Variants in PUM1 observed in about 807,000 individuals in gnomAD.
The protein encoded by PUM1 is pumilio RNA binding family member 1.
In PUM1, 13 loss-of-function variants were observed where a neutral mutation model predicts 131.8. That is an observed-to-expected ratio of 0.10 (90% CI 0.06 to 0.16). The LOEUF (loss-of-function observed/expected upper bound fraction) is 0.16, where lower values mean the gene tolerates loss of function less well. PUM1 is among the 10% of genes least tolerant of loss of function. The pLI is 1.00. For synonymous variants in PUM1, 509 were observed against 556.5 expected, an observed-to-expected ratio of 0.91 and a Z score of 1.20; for missense variants, 961 against 1,512.4, an observed-to-expected ratio of 0.64 and a Z score of 6.05.
At chr1:31,051,302 AT>A (rs35765126) in intron 2 of PUM1, among the ~76,000 whole-genome samples, 9,790 of 140,830 alleles carry the variant, frequency 0.07, 491 homozygotes, top group East Asian at 0.25. Flanking sequence ...CATCCACTGA[AT>A]TTTTTTTTTT....
At chr1:31,055,199 GC>G (rs1246263248) in intron 2 of PUM1, 3 of 374,708 alleles carry the variant, frequency 8.0e-6, no homozygotes, top group African/African-American at 6.3e-5. Flanking sequence ...CTAGAGATGT[GC>G]CCCTTTGCTC....
intron 1 of PUM1, among the ~76,000 whole-genome samples, chr1:31,064,927 G>A (rs1017350644): frequency 6.6e-6 from 1 of 151,934 alleles, no homozygotes; most frequent in Non-Finnish European, 1.5e-5. Flanking sequence ...CTAGCAAGGG[G>A]TGAACCCCTC....
At chr1:30,963,008 C>T (rs1640480254) in intron 14 of PUM1, among the ~76,000 whole-genome samples, 2 of 152,148 alleles carry the variant, frequency 1.3e-5, no homozygotes, top group African/African-American at 4.8e-5. Flanking sequence ...ATCCTGAGTA[C>T]ATCATGTAAC....
At chr1:31,043,839 T>G (rs550628636) in intron 2 of PUM1, among the ~76,000 whole-genome samples, 1 of 152,146 alleles carries the variant, frequency 6.6e-6, no homozygotes, top group Non-Finnish European at 1.5e-5. Context: ...AAATCCATAG[T>G]GTAAGTTGTA....
intron 7 of PUM1, among the ~76,000 whole-genome samples, chr1:30,987,616 A>G (rs533869292): frequency 1.4e-4 from 22 of 152,356 alleles, no homozygotes; most frequent in African/African-American, 5.0e-4. Flanking sequence ...TTATGCATGA[A>G]CTGCTCACAG....
At chr1:31,046,945 A>C (rs1307306656) in intron 2 of PUM1, among the ~76,000 whole-genome samples, 1 of 152,068 alleles carries the variant, frequency 6.6e-6, no homozygotes, top group African/African-American at 2.4e-5. Context: ...TAATCTCAGC[A>C]CTTTGGAAGG....
intron 18 of PUM1, among the ~76,000 whole-genome samples, chr1:30,944,460 GA>G (rs1639588176): frequency 6.6e-6 from 1 of 152,102 alleles, no homozygotes; most frequent in African/African-American, 2.4e-5. Flanking sequence ...AGCAATTCTG[GA>G]AAAAGGTATT....
At chr1:31,055,769 C>T (rs575232480) in intron 2 of PUM1, among the ~76,000 whole-genome samples, 7 of 152,268 alleles carry the variant, frequency 4.6e-5, no homozygotes, top group South Asian at 2.1e-4. Context: ...CTTCAATAAA[C>T]GCTTCTTAAC....
chr1:30,969,726 GCA>G (rs1224664732), intron 10 of PUM1, among the ~76,000 whole-genome samples: 1 of 152,038 alleles, frequency 6.6e-6, no homozygotes, highest in Admixed American at 6.6e-5. Flanking sequence ...GTGTAGTGTG[GCA>G]CAGTCTCAGC....
chr1:31,000,628 T>C (rs1363303014), intron 5 of PUM1, among the ~76,000 whole-genome samples: 1 of 152,206 alleles, frequency 6.6e-6, no homozygotes, highest in Admixed American at 6.5e-5. Flanking sequence ...TTTACTACTC[T>C]TACTGCCGTG....
rs747283505 is a variant in PUM1 at position 30,995,268 on chromosome 1, T to C, written c.721-48A>G. 21 of 1,603,978 alleles carry C rather than the reference T, an allele frequency of 1.3e-5. No individual in the cohort carries two copies. The South Asian group carries it at 2.0e-4, about 15-fold the overall frequency. ...TTCACTAATCGTCATCAACTAATAA[T>C]AACGGGCAACCGTTGTGGGCACCAG... On this transcript the variant is annotated intron_variant, in intron 5 of 21. Coordinates refer to ENST00000426105, the MANE Select transcript of PUM1 (RefSeq NM_001020658.2).
intron 20 of PUM1, among the ~76,000 whole-genome samples, chr1:30,938,717 T>C (rs1639314232): frequency 6.6e-6 from 1 of 152,046 alleles, no homozygotes; most frequent in Non-Finnish European, 1.5e-5. Context: ...ACAAAAAAAT[T>C]AGCCGGGAGT....
intron 2 of PUM1, among the ~76,000 whole-genome samples, chr1:31,038,984 A>ATATATATATATATATATTTTTTTTTTTTT: frequency 2.0e-5 from 1 of 49,422 alleles, no homozygotes; most frequent in African/African-American, 2.1e-4. Context: ...ATATATATAT[A>ATATATATATATATATATTTTTTTTTTTTT]TTTTTTTTTT....
rs1022950048 is a variant in PUM1 at position 30,945,223 on chromosome 1, G to A, written c.2994+123C>T. On this transcript the variant is annotated intron_variant, in intron 18 of 21. Coordinates refer to ENST00000426105, the MANE Select transcript of PUM1 (RefSeq NM_001020658.2). ...CACTCCAGCCTGGGCAACAGAGTGG[G>A]ATCCAGTCTCAAAAAAAATAAAGTA... The A allele has an allele frequency of 1.5e-5, 17 of 1,115,880 alleles. No homozygotes were observed. In the African/African-American group the frequency reaches 2.6e-4, roughly 17 times the overall value. The allele number at this position is 1,115,880 out of a possible 1,614,324, so 69.1% of individuals were successfully genotyped here.
At chr1:30,942,705 C>A (rs1468561820) in intron 18 of PUM1, among the ~76,000 whole-genome samples, 3 of 152,156 alleles carry the variant, frequency 2.0e-5, no homozygotes, top group Non-Finnish European at 4.4e-5. Flanking sequence ...ATAATAAGAG[C>A]AATAATAGCA....
In PUM1 at chr1:30,967,121, G is replaced by T. The variant is rs369030611; in HGVS notation, c.1789+46C>A. ...TACTTTAAGAATCTCACTATCAGTC[G>T]CCACTTTTAGATCTCTGGCAGGAGT... On this transcript the variant is annotated intron_variant, in intron 12 of 21. Coordinates refer to ENST00000426105, the MANE Select transcript of PUM1 (RefSeq NM_001020658.2). The T allele has an allele frequency of 3.1e-5, 50 of 1,601,590 alleles. No individual in the cohort carries two copies. In the Admixed American group the frequency reaches 3.7e-4, roughly 12 times the overall value.
At chr1:31,020,736 C>T (rs1642990209) in intron 3 of PUM1, among the ~76,000 whole-genome samples, 1 of 152,144 alleles carries the variant, frequency 6.6e-6, no homozygotes, top group Non-Finnish European at 1.5e-5. Context: ...CCTGAGTTCC[C>T]CTTTTCCTTC....
intron 2 of PUM1, among the ~76,000 whole-genome samples, chr1:31,046,963 G>A (rs887095177): frequency 2.2e-4 from 33 of 152,160 alleles, no homozygotes; most frequent in African/African-American, 6.8e-4. Flanking sequence ...AGGCCAAGGC[G>A]GGTGGATCAT....
chr1:31,038,982 ATATTTTTT>A (rs1338330023), intron 2 of PUM1, among the ~76,000 whole-genome samples: 7 of 27,974 alleles, frequency 2.5e-4, no homozygotes, highest in African/African-American at 1.3e-3. Flanking sequence ...ATATATATAT[ATATTTTTT>A]TTTTTTTTTT....
Sources: gnomAD v4.1 joint callset for allele counts (sites outside exome capture counted in the v4.1 genomes callset) on GRCh38, gnomAD v4.1.1 for gene constraint, MANE v1.5 for transcripts, NCBI Gene and HGNC (gene_info 2026-07-23, HGNC 2026-07-21) for gene names.